Variants in ARAP1 observed in about 807,000 individuals in gnomAD.
The protein encoded by ARAP1 is ArfGAP with RhoGAP domain, ankyrin repeat and PH domain 1, also known as arf-GAP with Rho-GAP domain, ANK repeat and PH domain-containing protein 1.
Under a neutral mutation model 172.2 loss-of-function variants are expected in ARAP1, and 76 were observed. The ratio of observed to expected loss-of-function variants is 0.44; its 90% CI spans 0.37 to 0.53. ARAP1 has a LOEUF of 0.53. ARAP1 is among the 20% of genes least tolerant of loss of function. The pLI, the probability that ARAP1 is intolerant of heterozygous loss-of-function variation, is 0.00. For synonymous variants in ARAP1, 804 were observed against 803.3 expected (o/e 1.00, Z -0.01); for missense variants, 1,686 against 1,977.5 (o/e 0.85, Z 2.80).
At chr11:72,698,978 A>C (rs755411320) in intron 18 of ARAP1, 27 bp downstream of exon 18, 2 of 1,611,664 alleles carry the variant, frequency 1.2e-6, no homozygotes, top group Non-Finnish European at 1.7e-6. Context: ...AGACACCCTT[A>C]CACCCACCCT....
intron 1 of ARAP1, among the ~76,000 whole-genome samples, chr11:72,749,787 C>A (rs1377778473): frequency 6.6e-6 from 1 of 151,548 alleles, no homozygotes; most frequent in Non-Finnish European, 1.5e-5. Flanking sequence ...GAGGCTGAGG[C>A]AGGAGAATGG....
At chr11:72,717,774 G>T (rs554356558) in intron 3 of ARAP1, among the ~76,000 whole-genome samples, 14 of 152,332 alleles carry the variant, frequency 9.2e-5, no homozygotes, top group African/African-American at 3.4e-4. Context: ...TGTAAGGCTT[G>T]TCATGATTCC....
chr11:72,693,151 G>A lies in ARAP1; in HGVS notation c.3954+174C>T. The A allele has an allele frequency of 9.7e-7, 1 of 1,036,134 alleles. No homozygotes were observed. The highest frequency in any genetic ancestry group is 1.4e-6 in the Non-Finnish European group (1 of 732,724). 64.2% of individuals were successfully genotyped at this position (1,036,134 alleles called of 1,614,324 possible). A position where few individuals can be genotyped will look rare whatever the true frequency, so the allele number is the denominator to read the frequency against. ...TGGGGCTACAGGGCACACTAGAGTG[G>A]CCGTCCAGGGCCACAGCAGGAGGGG... On this transcript the variant is annotated intron_variant, in intron 29 of 34. Coordinates refer to ENST00000393609, the MANE Select transcript of ARAP1 (RefSeq NM_001040118.3). This position sits in a 1 kb window ranked among gnomAD's most constrained non-coding sequence, Gnocchi z 4.6.
At position 72,700,884 on chromosome 11, in the gene ARAP1, G is replaced by T. The variant is rs562119905; in HGVS notation, c.2302+765C>A. On this transcript the variant is annotated intron_variant, in intron 16 of 34. Coordinates refer to ENST00000393609, the MANE Select transcript of ARAP1 (RefSeq NM_001040118.3). ...ATGATGGCGCATGCCTGTAATCCCA[G>T]CTACTCGGGAGGCTGAGGCAGGAGA... is the stretch of plus-strand genomic sequence containing the variant. 2.0e-5 allele frequency among the ~76,000 whole-genome samples: 3 copies of T among 152,336 alleles called. No individual in the cohort carries two copies. In the South Asian group the frequency reaches 6.2e-4, roughly 32 times the overall value.
At chr11:72,732,868 AG>A (rs1470464558) in intron 1 of ARAP1, among the ~76,000 whole-genome samples, 1 of 152,176 alleles carries the variant, frequency 6.6e-6, no homozygotes. Flanking sequence ...CTGTAGTCCC[AG>A]GAACTCAGGA....
In ARAP1 at chr11:72,688,183, C is replaced by T. The variant is rs149395348; in HGVS notation, c.4070+272G>A. On this transcript the variant is annotated intron_variant, in intron 31 of 34. Coordinates refer to ENST00000393609, the MANE Select transcript of ARAP1 (RefSeq NM_001040118.3). ...ATTTTTTTGTAGAGACAAGGTCTCG[C>T]CATGTTGCCCAGGCTGGTTTCGAAC... Among the ~76,000 whole-genome samples, 13 of 152,176 alleles carry T rather than the reference C, an allele frequency of 8.5e-5. No individual in the cohort carries two copies. In the East Asian group the frequency reaches 2.3e-3, roughly 27 times the overall value.
At chr11:72,686,219 C>T (rs750022568) in intron 33 of ARAP1, 28 bp from the exon 34 acceptor site, 18 of 1,598,820 alleles carry the variant, frequency 1.1e-5, no homozygotes, top group East Asian at 4.5e-5. Context: ...AGGGGCTGGG[C>T]TCAGCTTCAG....
intron 15 of ARAP1, among the ~76,000 whole-genome samples, chr11:72,702,497 G>A (rs771381869): frequency 4.6e-5 from 7 of 152,202 alleles, no homozygotes; most frequent in Non-Finnish European, 7.4e-5. Context: ...CAGTAGACAG[G>A]GCTGCCTAGG....
At position 72,707,355 on chromosome 11, in the gene ARAP1, G is replaced by T. The variant is rs1856817630; in HGVS notation, c.1543C>A (p.Leu515Ile). 1 of 1,612,698 alleles carries T rather than the reference G, an allele frequency of 6.2e-7. No individual in the cohort carries two copies. Among genetic ancestry groups the T allele is most frequent in the South Asian group, 1.1e-5 (1 of 90,844 alleles). The change falls in exon 12 of 35, where the codon CTA (leucine) becomes ATA (isoleucine). Residue 515 changes from leucine to isoleucine, a missense_variant. Leu to Ile is a conservative substitution (Grantham distance 5). This residue lies in a region of ARAP1 where 688 missense variants were observed against 856.9 expected (regional missense o/e 0.80). Coordinates refer to ENST00000393609, the MANE Select transcript of ARAP1 (RefSeq NM_001040118.3). ...RIFSFSADSE[L>I]EKEQWLEAMQ... ...GCCTCCAACCACTGCTCCTTCTCTA[G>T]CTCTGAGTCAGCAGAGAAGCTGGGG...
chr11:72,697,276 C>T (rs1212324759), intron 21 of ARAP1, 47 bp downstream of exon 21: 8 of 1,575,658 alleles, frequency 5.1e-6, no homozygotes, highest in Admixed American at 3.6e-5. Context: ...GGGCGGGAGG[C>T]GGCTCTCCGG....
At chr11:72,697,221 C>G (rs2306614) in intron 21 of ARAP1, 26 bp from the exon 22 acceptor site, 3 of 1,446,180 alleles carry the variant, frequency 2.1e-6, no homozygotes, top group South Asian at 2.2e-5. Flanking sequence ...GCCAAGCGTT[C>G]GGGGCCTGAG....
At chr11:72,742,458 G>A (rs979390226) in intron 1 of ARAP1, among the ~76,000 whole-genome samples, 3 of 152,190 alleles carry the variant, frequency 2.0e-5, no homozygotes, top group Admixed American at 6.5e-5. Flanking sequence ...TCACTCAGGA[G>A]CCAGAATCTG....
At chr11:72,743,819 C>G (rs1338061359) in intron 1 of ARAP1, among the ~76,000 whole-genome samples, 3 of 152,002 alleles carry the variant, frequency 2.0e-5, no homozygotes, top group Admixed American at 6.6e-5. Flanking sequence ...AGAACCACCC[C>G]AGACTTCTAG....
At position 72,710,701 on chromosome 11, in the gene ARAP1, C is replaced by G; in HGVS notation, c.1214-114G>C. 1 of 1,176,592 alleles carries G rather than the reference C, an allele frequency of 8.5e-7. No homozygotes were observed. Among genetic ancestry groups the G allele is most frequent in the Non-Finnish European group, 1.2e-6 (1 of 858,908 alleles). The allele number at this position is 1,176,592 out of a possible 1,614,324, so 72.9% of individuals were successfully genotyped here. The stretch of plus-strand genomic sequence containing the variant: ...TCCAGAAAGCCCACTCAGATGCCCC[C>G]ATCATTTTGCTTGACTTCTCTGACT... On this transcript the variant is annotated intron_variant, in intron 9 of 34. Coordinates refer to ENST00000393609, the MANE Select transcript of ARAP1 (RefSeq NM_001040118.3). This position sits in a 1 kb window ranked among gnomAD's most constrained non-coding sequence, Gnocchi z 4.3.
Sources: gnomAD v4.1 joint callset for allele counts (sites outside exome capture counted in the v4.1 genomes callset) on GRCh38, gnomAD v4.1.1 for gene constraint, gnomAD v4.1.1 regional missense constraint, Gnocchi (gnomAD v3.1) non-coding constraint, MANE v1.5 for transcripts, NCBI Gene and HGNC (gene_info 2026-07-23, HGNC 2026-07-21) for gene names.